The following ZNF865 variants were observed in gnomAD, a reference collection of about 807,000 sequenced individuals.
ZNF865 encodes the protein zinc finger protein 865.
For synonymous variants in ZNF865, 763 were observed against 750.8 expected, an observed-to-expected ratio of 1.02 and a Z score of -0.27; for missense variants, 1,311 against 1,593.4, an observed-to-expected ratio of 0.82 and a Z score of 3.02.
chr19:55,614,302 G>A lies in ZNF865; in HGVS notation c.684G>A (p.Val228=). 1 of 1,509,910 alleles carries A rather than the reference G, an allele frequency of 6.6e-7. No individual in the cohort carries two copies. The allele number at this position is 1,509,910 out of a possible 1,614,324, so 93.5% of individuals were successfully genotyped here. ...YLMERRFPCG[V]CQKSFKQSSH... ...TGGAGCGGCGCTTCCCCTGCGGCGT[G>A]TGCCAGAAGTCCTTCAAGCAGTCCT... The change falls in exon 2 of 2, where the codon GTG becomes GTA. Residue 228 remains valine, a synonymous_variant. Coordinates refer to ENST00000568956, the MANE Select transcript of ZNF865 (RefSeq NM_001195605.2). The surrounding 1 kb of genome is among the most constrained non-coding windows in gnomAD (Gnocchi z 8.0).
At chr19:55,606,286 C>T (rs190526029) in intron 1 of ZNF865, among the ~76,000 whole-genome samples, 2 of 152,270 alleles carry the variant, frequency 1.3e-5, no homozygotes, top group Non-Finnish European at 2.9e-5. Flanking sequence ...TTCTGGTCAG[C>T]ACCAAGAATG....
Position 55,615,598 on chromosome 19 carries a change from T to G in ZNF865, c.1980T>G (p.Ser660=). ...GACGPGASGT[S]AGPTDGLSYA... is the part of the protein sequence containing the mutation. ...GTGGGCCCGGGGCCTCGGGCACGTC[T>G]GCAGGGCCCACCGATGGGCTGAGCT... The change falls in exon 2 of 2, where the codon TCT becomes TCG. Residue 660 remains serine, a synonymous_variant. Coordinates refer to ENST00000568956, the MANE Select transcript of ZNF865 (RefSeq NM_001195605.2). 8 of 1,533,038 alleles carry G rather than the reference T, an allele frequency of 5.2e-6. No individual in the cohort carries two copies. The highest frequency in any genetic ancestry group is 6.1e-6 in the Non-Finnish European group (7 of 1,145,712). 95.0% of individuals were successfully genotyped at this position (1,533,038 alleles called of 1,614,324 possible).
rs1349509200 is a variant in ZNF865 at position 55,615,403 on chromosome 19, G to A, written c.1785G>A (p.Lys595=). 5 of 1,496,638 alleles carry A rather than the reference G, an allele frequency of 3.3e-6. No homozygotes were observed. The highest frequency in any genetic ancestry group is 4.4e-6 in the Non-Finnish European group (5 of 1,128,016). The allele number at this position is 1,496,638 out of a possible 1,614,324, so 92.7% of individuals were successfully genotyped here. ...KRFRESFHLS[K]HHVVHTRERP... is the part of the protein sequence containing the mutation. ...TCCGCGAATCCTTCCACTTGAGCAA[G>A]CATCACGTGGTGCACACGCGCGAGC... Residue 595 remains lysine, a synonymous_variant, in exon 2 of 2, where the codon AAG becomes AAA. Coordinates refer to ENST00000568956, the MANE Select transcript of ZNF865 (RefSeq NM_001195605.2).
rs543698955 is a variant in ZNF865, at chr19:55,611,687, G to A, written c.-26-1906G>A. On this transcript the variant is annotated intron_variant, in intron 1 of 1. Transcript: ENST00000568956. The surrounding 1 kb of genome is among the most constrained non-coding windows in gnomAD (Gnocchi z 4.5). ...GCAGCCCGATGGATAGAGGATAAAG[G>A]GTCCAGGCCTTGGTAGGAACCCCCT... Among the ~76,000 whole-genome samples, 12 of 152,236 alleles carry A rather than the reference G, an allele frequency of 7.9e-5. No homozygotes were observed. In the East Asian group the frequency reaches 2.3e-3, roughly 29 times the overall value.
chr19:55,616,097 C>A lies in ZNF865; in HGVS notation c.2479C>A (p.Gln827Lys). The change falls in exon 2 of 2, where the codon CAG becomes AAG. Residue 827 changes from glutamine (Q) to lysine (K), a missense_variant. By Grantham distance (53) the Gln-to-Lys change is moderately conservative (BLOSUM62 1). Transcript: ENST00000568956. ...RRTLGCGLCG[Q>K]SFAGAYDLLL... The stretch of plus-strand genomic sequence containing the variant: ...GACCCTGGGCTGCGGCCTCTGCGGC[C>A]AGAGCTTCGCGGGCGCCTACGACTT... The A allele has an allele frequency of 6.7e-7, 1 of 1,490,428 alleles. No individual in the cohort carries two copies. Among genetic ancestry groups the A allele is most frequent in the Non-Finnish European group, 8.9e-7 (1 of 1,123,056 alleles). The allele number at this position is 1,490,428 out of a possible 1,614,324, so 92.3% of individuals were successfully genotyped here. A position where few individuals can be genotyped will look rare whatever the true frequency, so the allele number is the denominator to read the frequency against.
Position 55,613,824 on chromosome 19 carries a change from C to T in ZNF865, c.206C>T (p.Pro69Leu), listed in dbSNP as rs1249137652. 6.7e-7 allele frequency: 1 copy of T among 1,498,686 alleles called. No homozygotes were observed. The highest frequency in any genetic ancestry group is 8.9e-7 in the Non-Finnish European group (1 of 1,126,674). 92.8% of individuals were successfully genotyped at this position (1,498,686 alleles called of 1,614,324 possible). The change falls in exon 2 of 2, where the codon CCG becomes CTG. Residue 69 changes from proline to leucine, a missense_variant. Pro to Leu is a moderately conservative substitution (Grantham distance 98). Coordinates refer to ENST00000568956, the MANE Select transcript of ZNF865 (RefSeq NM_001195605.2). ...PCAPGPPPQP[P>L]PQPPPPQYDY... ...GCCCCCGGCCCCCCGCCGCAGCCCCCGCCGCAGCCCCCTCCCCCGCAGTAT... is the reference window on the plus strand; with the variant it reads ...GCCCCCGGCCCCCCGCCGCAGCCCCTGCCGCAGCCCCCTCCCCCGCAGTAT...
Position 55,615,361 on chromosome 19 carries a change from C to G in ZNF865, c.1743C>G (p.Pro581=), listed in dbSNP as rs1371395666. The G allele has an allele frequency of 2.0e-6, 3 of 1,508,828 alleles. No individual in the cohort carries two copies. The highest frequency in any genetic ancestry group is 2.2e-5 in the Admixed American group (1 of 45,562). The allele number at this position is 1,508,828 out of a possible 1,614,324, so 93.5% of individuals were successfully genotyped here. A position where few individuals can be genotyped will look rare whatever the true frequency, so the allele number is the denominator to read the frequency against. ...CGGGCGAGAAGCCCCACCAGTGCCC[C>G]GTGTGTGGGAAGCGCTTCCGCGAAT... The part of the protein sequence containing the change: ...IHTGEKPHQC[P]VCGKRFRESF... Residue 581 remains proline, a synonymous_variant, in exon 2 of 2, where the codon CCC becomes CCG. Transcript: ENST00000568956.
chr19:55,615,990 G>A lies in ZNF865; in HGVS notation c.2372G>A (p.Arg791His). 6.6e-7 allele frequency: 1 copy of A among 1,522,988 alleles called. No homozygotes were observed. Among genetic ancestry groups the A allele is most frequent in the Non-Finnish European group, 8.8e-7 (1 of 1,141,082 alleles). 94.3% of individuals were successfully genotyped at this position (1,522,988 alleles called of 1,614,324 possible). Residue 791 changes from arginine to histidine, a missense_variant, in exon 2 of 2, where the codon CGC (arginine) becomes CAC (histidine). By Grantham distance (29) the Arg-to-His change is conservative. Coordinates refer to ENST00000568956, the MANE Select transcript of ZNF865 (RefSeq NM_001195605.2). ...AGGGASSGPE[R>H]FSCATCGQSF... ...GGGGGTGCCAGTTCCGGCCCCGAGCGCTTCAGCTGTGCCACGTGCGGCCAG... is the reference window on the plus strand; with the variant it reads ...GGGGGTGCCAGTTCCGGCCCCGAGCACTTCAGCTGTGCCACGTGCGGCCAG...
Position 55,611,148 on chromosome 19 carries a change from T to C in ZNF865, c.-26-2445T>C, listed in dbSNP as rs888759576. Among the ~76,000 whole-genome samples the C allele has an allele frequency of 2.0e-5, 3 of 152,148 alleles. No individual in the cohort carries two copies. Among genetic ancestry groups the C allele is most frequent in the African/African-American group, 7.2e-5 (3 of 41,432 alleles). Reference sequence around the variant, plus strand: ...CAACTCACTTTGCCTCTCCATGCCTTAGTTTTCTAATTTATCCAACGGCGG... The same window carrying C: ...CAACTCACTTTGCCTCTCCATGCCTCAGTTTTCTAATTTATCCAACGGCGG... On this transcript the variant is annotated intron_variant, in intron 1 of 1. Transcript: ENST00000568956. This position sits in a 1 kb window ranked among gnomAD's most constrained non-coding sequence, Gnocchi z 4.5.
rs1981234073 is a variant in ZNF865, at chr19:55,613,903, C to T, written c.285C>T (p.Ser95=). The T allele has an allele frequency of 6.6e-7, 1 of 1,520,600 alleles. No individual in the cohort carries two copies. The highest frequency in any genetic ancestry group is 8.8e-7 in the Non-Finnish European group (1 of 1,134,290). The allele number at this position is 1,520,600 out of a possible 1,614,324, so 94.2% of individuals were successfully genotyped here. ...CCAAGGCGGAGGTGCCCTCCTCGTCCTCGTCCTCGTCCTCCTCCTCCTCCT... is the reference window on the plus strand; with the variant it reads ...CCAAGGCGGAGGTGCCCTCCTCGTCTTCGTCCTCGTCCTCCTCCTCCTCCT... The part of the protein sequence containing the change: ...FKPKAEVPSS[S]SSSSSSSSSS... The change falls in exon 2 of 2, where the codon TCC becomes TCT. Residue 95 remains serine (S), a synonymous_variant. Coordinates refer to ENST00000568956, the MANE Select transcript of ZNF865 (RefSeq NM_001195605.2).
rs1981349942 is a variant in ZNF865, at chr19:55,616,134, G to A, written c.2516G>A (p.Arg839His). The change falls in exon 2 of 2, where the codon CGC becomes CAC. Residue 839 changes from arginine (R) to histidine (H), a missense_variant. Arg to His is a conservative substitution (Grantham distance 29). Transcript: ENST00000568956. ...FAGAYDLLLH[R>H]RSHRQKRGFR... ...GGCGCCTACGACTTGCTCCTACACC[G>A]CCGCAGCCATCGGCAGAAGCGGGGT... 2 of 1,498,212 alleles carry A rather than the reference G, an allele frequency of 1.3e-6. No individual in the cohort carries two copies. Among genetic ancestry groups the A allele is most frequent in the Non-Finnish European group, 1.8e-6 (2 of 1,126,418 alleles). 92.8% of individuals were successfully genotyped at this position (1,498,212 alleles called of 1,614,324 possible).
rs1242229609 is a variant in ZNF865, at chr19:55,616,396, C to T, written c.2778C>T (p.His926=). Residue 926 remains histidine, a synonymous_variant, in exon 2 of 2, where the codon CAC becomes CAT. Coordinates refer to ENST00000568956, the MANE Select transcript of ZNF865 (RefSeq NM_001195605.2). ...GCCTGGCAGAGCACCGGCGGCTGCA[C>T]GCTGTGGCCCGGCCCCAGCGCTGCA... ...SSSLAEHRRL[H]AVARPQRCSA... is the part of the protein sequence containing the mutation. 3 of 1,504,416 alleles carry T rather than the reference C, an allele frequency of 2.0e-6. No homozygotes were observed. The highest frequency in any genetic ancestry group is 5.0e-5 in the East Asian group (2 of 40,358). 93.2% of individuals were successfully genotyped at this position (1,504,416 alleles called of 1,614,324 possible).
chr19:55,608,406 C>G (rs988157104), intron 1 of ZNF865, among the ~76,000 whole-genome samples: 3 of 151,592 alleles, frequency 2.0e-5, no homozygotes, highest in Admixed American at 6.6e-5. Context: ...CCTCCGCCTC[C>G]CGGGTTCAAG....
rs568067269 is a variant in ZNF865, at chr19:55,616,768, G to C, written c.3150G>C (p.Gly1050=). 5.5e-5 allele frequency: 80 copies of C among 1,452,344 alleles called. No homozygotes were observed. The highest frequency in any genetic ancestry group is 7.0e-5 in the Non-Finnish European group (78 of 1,108,466). 90.0% of individuals were successfully genotyped at this position (1,452,344 alleles called of 1,614,324 possible). Residue 1050 remains glycine, a synonymous_variant, in exon 2 of 2, where the codon GGG becomes GGC. Transcript: ENST00000568956. ...KAENLGGPGA[G]AGTLAGKDA is the part of the protein sequence containing the mutation. ...AGAACCTCGGGGGGCCTGGAGCAGG[G>C]GCGGGCACCTTGGCCGGGAAGGATG...
At chr19:55,608,083 G>C (rs1981004549) in intron 1 of ZNF865, among the ~76,000 whole-genome samples, 1 of 152,200 alleles carries the variant, frequency 6.6e-6, no homozygotes, top group Admixed American at 6.5e-5. Context: ...CAGGGTTAGG[G>C]AGATGAGGAT....
chr19:55,615,148 G>A lies in ZNF865; in HGVS notation c.1530G>A (p.Ala510=). 3 of 1,207,932 alleles carry A rather than the reference G, an allele frequency of 2.5e-6. No homozygotes were observed. In the South Asian group the frequency reaches 8.2e-5, roughly 33 times the overall value. The allele number at this position is 1,207,932 out of a possible 1,614,324, so 74.8% of individuals were successfully genotyped here. The stretch of plus-strand genomic sequence containing the variant: ...ACAGCGAGAAGGCGGCGGCGGCCGC[G>A]GCGGCGGTGGTGTACGGCGCTGTGC... ...TTDSEKAAAA[A]AAVVYGAVPV... Residue 510 remains alanine, a synonymous_variant, in exon 2 of 2, where the codon GCG becomes GCA. Transcript: ENST00000568956.
Position 55,611,245 on chromosome 19 carries a change from G to A in ZNF865, c.-26-2348G>A, listed in dbSNP as rs1981124280. On this transcript the variant is annotated intron_variant, in intron 1 of 1. Coordinates refer to ENST00000568956, the MANE Select transcript of ZNF865 (RefSeq NM_001195605.2). This position sits in a 1 kb window ranked among gnomAD's most constrained non-coding sequence, Gnocchi z 4.5. ...TGTGTAACGTGCTTAGAACCGTGGC[G>A]GGCCTCTAGGAGATGTCCAGTCAGT... is the stretch of plus-strand genomic sequence containing the variant. Among the ~76,000 whole-genome samples the A allele has an allele frequency of 2.0e-5, 3 of 152,224 alleles. 1 individual carries two copies. The highest frequency in any genetic ancestry group is 4.1e-4 in the South Asian group (2 of 4,822).
chr19:55,615,254 C>T lies in ZNF865; in HGVS notation c.1636C>T (p.Pro546Ser). 1 of 1,518,640 alleles carries T rather than the reference C, an allele frequency of 6.6e-7. No individual in the cohort carries two copies. The highest frequency in any genetic ancestry group is 2.6e-5 in the East Asian group (1 of 38,908). 94.1% of individuals were successfully genotyped at this position (1,518,640 alleles called of 1,614,324 possible). Residue 546 changes from proline (P) to serine (S), a missense_variant, in exon 2 of 2, where the codon CCA (proline) becomes TCA (serine). Pro to Ser is a moderately conservative substitution (Grantham distance 74). Transcript: ENST00000568956. Reference sequence around the variant, plus strand: ...GGCGGGAGGCTCGGGCGCCAGCGTCCCAGGAAAGACGTTCTGCTGCGGCAT... The same window carrying T: ...GGCGGGAGGCTCGGGCGCCAGCGTCTCAGGAAAGACGTTCTGCTGCGGCAT... Reference protein sequence around the residue: ...SGAGGSGASVPGKTFCCGICG... With the variant: ...SGAGGSGASVSGKTFCCGICG...
At chr19:55,609,170 C>T (rs973410525) in intron 1 of ZNF865, among the ~76,000 whole-genome samples, 4 of 152,242 alleles carry the variant, frequency 2.6e-5, no homozygotes, top group East Asian at 1.9e-4. Flanking sequence ...AGGTGTGCAC[C>T]ACCACACCCG....
Sources: gnomAD v4.1 joint callset for allele counts (sites outside exome capture counted in the v4.1 genomes callset) on GRCh38, gnomAD v4.1.1 for gene constraint, Gnocchi (gnomAD v3.1) non-coding constraint, MANE v1.5 for transcripts, NCBI Gene and HGNC (gene_info 2026-07-23, HGNC 2026-07-21) for gene names.